ANKIB1: variants seen among roughly 807,000 people sequenced by gnomAD.
ANKIB1 encodes the protein ankyrin repeat and IBR domain-containing protein 1.
A neutral mutation model predicts 122.1 loss-of-function variants in ANKIB1; 43 were observed. The observed-to-expected ratio is 0.35, with a 90% CI of 0.28 to 0.45. The LOEUF (loss-of-function observed/expected upper bound fraction) is 0.45. Ranked by LOEUF, ANKIB1 falls within the 20% of genes least tolerant of loss-of-function variation. The probability of loss-of-function intolerance (pLI) is 1.00; values close to 1 mark genes in which losing one functional copy is unlikely to be tolerated. For missense variants in ANKIB1, 992 were observed against 1,329.5 expected (o/e 0.75, Z 3.95); for synonymous variants, 390 against 442.0 (o/e 0.88, Z 1.48).
intron 1 of ANKIB1, among the ~76,000 whole-genome samples, chr7:92,252,594 C>T (rs1801350322): frequency 6.6e-6 from 1 of 152,048 alleles, no homozygotes; most frequent in African/African-American, 2.4e-5. Flanking sequence ...ACCTCTTTCT[C>T]TCTTATGTAT....
intron 10 of ANKIB1, among the ~76,000 whole-genome samples, chr7:92,370,782 T>C (rs1804228075): frequency 6.6e-6 from 1 of 152,062 alleles, no homozygotes; most frequent in South Asian, 2.1e-4. Context: ...TTTTAAAAAA[T>C]CACTGTGCCA....
chr7:92,331,828 G>A (rs1803180007), intron 5 of ANKIB1, among the ~76,000 whole-genome samples: 1 of 152,154 alleles, frequency 6.6e-6, no homozygotes, highest in Non-Finnish European at 1.5e-5. Flanking sequence ...GCATTTTTGT[G>A]TACAGATAGC....
intron 2 of ANKIB1, among the ~76,000 whole-genome samples, chr7:92,301,100 A>C (rs1438478120): frequency 6.6e-6 from 1 of 152,050 alleles, no homozygotes; most frequent in African/African-American, 2.4e-5. Context: ...CCACTGATGG[A>C]TATTTAGGTT....
In ANKIB1 at chr7:92,398,213, C is replaced by A; in HGVS notation, c.2534C>A (p.Ala845Asp). The change falls in exon 20 of 20, where the codon GCT becomes GAT. Residue 845 changes from alanine to aspartate, a missense_variant and splice_region_variant. Ala to Asp is a moderately radical substitution (Grantham distance 126, BLOSUM62 -2). Transcript: ENST00000265742. ...SRSENQDSLQ[A>D]LSSLDEDDPN... is the part of the protein sequence containing the mutation. ...TGGTTTTGCTTTCTGTTGCTTCAGG[C>A]TCTGAGTTCCTTGGATGAAGACGAT... 1 of 1,573,136 alleles carries A rather than the reference C, an allele frequency of 6.4e-7. No homozygotes were observed. The highest frequency in any genetic ancestry group is 8.6e-7 in the Non-Finnish European group (1 of 1,162,160).
intron 6 of ANKIB1, among the ~76,000 whole-genome samples, chr7:92,344,687 C>T (rs913449617): frequency 1.3e-5 from 2 of 152,126 alleles, no homozygotes; most frequent in African/African-American, 4.8e-5. Flanking sequence ...TGATTTGTTT[C>T]TTGTACTTCG....
In ANKIB1 at chr7:92,358,521, G is replaced by A. The variant is rs533336488; in HGVS notation, c.1398-3664G>A. Among the ~76,000 whole-genome samples the A allele has an allele frequency of 4.7e-5, 7 of 147,540 alleles. No homozygotes were observed. In the South Asian group the frequency reaches 8.7e-4, roughly 18 times the overall value. ...GCCAAGCACATTGATAAGCAATTAC[G>A]GCTTTTGAAGAAGTGGCTTTTTTTT... On this transcript the variant is annotated intron_variant, in intron 9 of 19. Transcript: ENST00000265742.
chr7:92,326,061 T>G (rs1490369495), intron 4 of ANKIB1: 1 of 350,938 alleles, frequency 2.8e-6, no homozygotes, highest in Non-Finnish European at 5.6e-6. Context: ...CACTTGGGAC[T>G]GAGCAATGTG....
At chr7:92,379,927 G>T (rs1022456840) in intron 11 of ANKIB1, among the ~76,000 whole-genome samples, 1 of 152,148 alleles carries the variant, frequency 6.6e-6, no homozygotes, top group Non-Finnish European at 1.5e-5. Context: ...AGGGCAAGCC[G>T]AAGCAGGGCA....
At chr7:92,323,439 G>A (rs1267418948) in intron 4 of ANKIB1, among the ~76,000 whole-genome samples, 1 of 151,866 alleles carries the variant, frequency 6.6e-6, no homozygotes. Context: ...CATATCCTAA[G>A]TTTTTTACTT....
chr7:92,387,355 G>A (rs771485029), intron 12 of ANKIB1, among the ~76,000 whole-genome samples: 1 of 152,062 alleles, frequency 6.6e-6, no homozygotes, highest in Admixed American at 6.6e-5. Context: ...GAAGGCCTTG[G>A]CCTTCAATGT....
chr7:92,383,036 C>A (rs1198597277), intron 11 of ANKIB1, among the ~76,000 whole-genome samples: 1 of 151,914 alleles, frequency 6.6e-6, no homozygotes, highest in Non-Finnish European at 1.5e-5. Flanking sequence ...CCAATAGATG[C>A]AATAAAAAAT....
chr7:92,358,866 A>G (rs1306196026), intron 9 of ANKIB1, among the ~76,000 whole-genome samples: 2 of 152,180 alleles, frequency 1.3e-5, no homozygotes, highest in African/African-American at 4.8e-5. Flanking sequence ...CTTTTTTAAA[A>G]AATGAGTCAT....
At position 92,398,245 on chromosome 7, in the gene ANKIB1, A is replaced by G. The variant is rs1394064736; in HGVS notation, c.2566A>G (p.Ile856Val). Residue 856 changes from isoleucine to valine, a missense_variant, in exon 20 of 20, where the codon ATA (isoleucine) becomes GTA (valine). By Grantham distance (29) the Ile-to-Val change is conservative. This residue lies in a region of ANKIB1 where 384 missense variants were observed against 412.0 expected (regional missense o/e 0.93). Coordinates refer to ENST00000265742, the MANE Select transcript of ANKIB1 (RefSeq NM_019004.2). ...LSSLDEDDPN[I>V]LLAIQLSLQE... ...TTCCTTGGATGAAGACGATCCCAAT[A>G]TACTTCTTGCAATACAGTTATCACT... 2 of 1,610,392 alleles carry G rather than the reference A, an allele frequency of 1.2e-6. No homozygotes were observed. Among genetic ancestry groups the G allele is most frequent in the Non-Finnish European group, 1.7e-6 (2 of 1,178,342 alleles).
chr7:92,262,373 C>T (rs977844259), intron 1 of ANKIB1, among the ~76,000 whole-genome samples: 3 of 152,028 alleles, frequency 2.0e-5, no homozygotes, highest in Non-Finnish European at 4.4e-5. Flanking sequence ...ACTTAAGATA[C>T]CCTGTAGGAA....
intron 2 of ANKIB1, among the ~76,000 whole-genome samples, chr7:92,299,218 C>T (rs1398526238): frequency 2.0e-5 from 3 of 152,174 alleles, no homozygotes; most frequent in Non-Finnish European, 2.9e-5. Context: ...TCAACACAGA[C>T]TTTTCTGATA....
rs148313546 is a variant in ANKIB1 at position 92,391,393 on chromosome 7, A to T, written c.2231+49A>T. On this transcript the variant is annotated intron_variant, in intron 16 of 19. Coordinates refer to ENST00000265742, the MANE Select transcript of ANKIB1 (RefSeq NM_019004.2). ...AATCATCCTAGCTCCAGCCACAAAT[A>T]CCAGCAGTTTTGTTTTTTATCCAAC... 1,860 of 1,405,512 alleles carry T rather than the reference A, an allele frequency of 1.3e-3. 28 individuals are homozygous for T. The African/African-American group carries it at 0.024, about 18-fold the overall frequency. 87.1% of individuals were successfully genotyped at this position (1,405,512 alleles called of 1,614,324 possible).
intron 14 of ANKIB1, among the ~76,000 whole-genome samples, chr7:92,388,678 C>T (rs1804721380): frequency 1.3e-5 from 2 of 152,070 alleles, no homozygotes; most frequent in African/African-American, 2.4e-5. Context: ...TAAAAAGTCA[C>T]CTTTTAAAAA....
rs187559340 is a variant in ANKIB1 at position 92,371,940 on chromosome 7, T to C, written c.1617+333T>C. Reference sequence around the variant, plus strand: ...CTAGTCACCTTCCCCAGTGAGAGTCTTGAGAGAGGGGTGTGTGTGTGTGTG... The same window carrying C: ...CTAGTCACCTTCCCCAGTGAGAGTCCTGAGAGAGGGGTGTGTGTGTGTGTG... On this transcript the variant is annotated intron_variant, in intron 11 of 19. Coordinates refer to ENST00000265742, the MANE Select transcript of ANKIB1 (RefSeq NM_019004.2). 3.0e-3 allele frequency among the ~76,000 whole-genome samples: 437 copies of C among 147,368 alleles called. 1 individual carries two copies. The highest frequency in any genetic ancestry group is 0.01 in the African/African-American group (413 of 39,840).
At chr7:92,265,181 G>T (rs574281792) in intron 1 of ANKIB1, among the ~76,000 whole-genome samples, 1 of 151,388 alleles carries the variant, frequency 6.6e-6, no homozygotes, top group South Asian at 2.1e-4. Context: ...GTCTTGCTGT[G>T]TTACCCAGGC....
Sources: gnomAD v4.1 joint callset for allele counts (sites outside exome capture counted in the v4.1 genomes callset) on GRCh38, gnomAD v4.1.1 for gene constraint, gnomAD v4.1.1 regional missense constraint, MANE v1.5 for transcripts, NCBI Gene and HGNC (gene_info 2026-07-23, HGNC 2026-07-21) for gene names.